Variants in DNAJC6 observed in about 807,000 individuals in gnomAD.
DNAJC6 encodes the protein auxilin.
Under a neutral mutation model 110.0 loss-of-function variants are expected in DNAJC6, and 34 were observed. The ratio of observed to expected loss-of-function variants is 0.31; its 90% CI spans 0.24 to 0.41. DNAJC6 has a LOEUF of 0.41. Among genes scored for constraint, DNAJC6 ranks in the 10% least tolerant of loss-of-function variants. The probability of loss-of-function intolerance (pLI) is 1.00; values close to 1 mark genes in which losing one functional copy is unlikely to be tolerated. For synonymous variants in DNAJC6, 406 were observed against 437.2 expected (o/e 0.93, Z 0.89); for missense variants, 1,031 against 1,207.8 (o/e 0.85, Z 2.17).
At chr1:65,404,255 G>T (rs912885358) in intron 15 of DNAJC6, among the ~76,000 whole-genome samples, 1 of 152,184 alleles carries the variant, frequency 6.6e-6, no homozygotes, top group African/African-American at 2.4e-5. Context: ...GATGTACCAG[G>T]CATGTGCTTA....
At chr1:65,292,141 C>T (rs534946846) in intron 1 of DNAJC6, among the ~76,000 whole-genome samples, 10 of 152,086 alleles carry the variant, frequency 6.6e-5, no homozygotes, top group Admixed American at 1.3e-4. Flanking sequence ...CTCAGCCTCC[C>T]GAGTAGCTGG....
intron 4 of DNAJC6, among the ~76,000 whole-genome samples, chr1:65,367,918 C>T (rs1215951952): frequency 6.9e-6 from 1 of 145,458 alleles, no homozygotes; most frequent in Non-Finnish European, 1.5e-5. Flanking sequence ...CAGTTCCTGA[C>T]ATAGATAATC....
upstream of DNAJC6, among the ~76,000 whole-genome samples, chr1:65,305,278 T>C (rs1645027026): frequency 6.6e-6 from 1 of 152,356 alleles, no homozygotes; most frequent in South Asian, 2.1e-4. Context: ...CACTAGGACC[T>C]CTTAGTACCA....
intron 1 of DNAJC6, among the ~76,000 whole-genome samples, chr1:65,329,944 C>G (rs1456634983): frequency 6.6e-6 from 1 of 152,150 alleles, no homozygotes; most frequent in Non-Finnish European, 1.5e-5. Context: ...AACATACATT[C>G]TTTTGAATTT....
At chr1:65,356,457 G>A (rs915224276) in intron 1 of DNAJC6, among the ~76,000 whole-genome samples, 2 of 151,706 alleles carry the variant, frequency 1.3e-5, no homozygotes, top group East Asian at 3.9e-4. Context: ...CCAGCTACTC[G>A]GGAGGCTGAG....
chr1:65,327,946 C>T (rs1442205796), intron 1 of DNAJC6, among the ~76,000 whole-genome samples: 2 of 152,062 alleles, frequency 1.3e-5, no homozygotes, highest in Non-Finnish European at 2.9e-5. Context: ...AACTCCTGGG[C>T]ACAAGCAATT....
intron 5 of DNAJC6, among the ~76,000 whole-genome samples, chr1:65,380,916 G>GTTTTTTTTTTTTTTTTTTTTTTTTTTTT (rs796797174): frequency 9.6e-5 from 9 of 93,528 alleles, no homozygotes; most frequent in African/African-American, 4.0e-4. Flanking sequence ...TTTTTGTTTT[G>GTTTTTTTTTTTTTTTTTTTTTTTTTTTT]TTTTGTTTTT....
At chr1:65,289,259 G>A (rs1358812862) in intron 1 of DNAJC6, among the ~76,000 whole-genome samples, 1 of 151,920 alleles carries the variant, frequency 6.6e-6, no homozygotes, top group Non-Finnish European at 1.5e-5. Flanking sequence ...GCAGTGGCAC[G>A]ATCTCGGCTC....
chr1:65,290,996 A>G (rs1644869971), intron 1 of DNAJC6, among the ~76,000 whole-genome samples: 1 of 152,242 alleles, frequency 6.6e-6, no homozygotes, highest in Admixed American at 6.5e-5. Context: ...CCAAATATCT[A>G]GATAAAGCAA....
intron 1 of DNAJC6, among the ~76,000 whole-genome samples, chr1:65,329,488 A>G (rs1179550436): frequency 6.6e-6 from 1 of 151,736 alleles, no homozygotes; most frequent in African/African-American, 2.4e-5. Flanking sequence ...AAATATGTAT[A>G]GGAATATTTT....
intron 16 of DNAJC6, 44 bp downstream of exon 16, chr1:65,406,177 A>G (rs370790532): frequency 2.9e-5 from 46 of 1,580,856 alleles, no homozygotes; most frequent in South Asian, 2.1e-4. Flanking sequence ...CAGCCTGTCT[A>G]TGTTGTCATA....
chr1:65,412,016 T>G (rs548823898), intron 18 of DNAJC6, among the ~76,000 whole-genome samples: 109 of 152,262 alleles, frequency 7.2e-4, no homozygotes, highest in Non-Finnish European at 1.1e-3. Flanking sequence ...CTTACAATAG[T>G]AAGGACAGGC....
At chr1:65,354,616 A>G (rs977995048) in intron 1 of DNAJC6, among the ~76,000 whole-genome samples, 40 of 152,328 alleles carry the variant, frequency 2.6e-4, no homozygotes, top group African/African-American at 9.6e-4. Context: ...CTGAGCCATC[A>G]TAGTCTAGTA....
intron 1 of DNAJC6, among the ~76,000 whole-genome samples, chr1:65,320,831 G>T (rs1392324237): frequency 1.3e-5 from 2 of 152,146 alleles, no homozygotes; most frequent in Non-Finnish European, 2.9e-5. Context: ...TCTTCCAGGG[G>T]CTGGTCAGGA....
intron 13 of DNAJC6, among the ~76,000 whole-genome samples, chr1:65,395,778 T>A (rs1467776359): frequency 1.3e-5 from 2 of 152,208 alleles, no homozygotes; most frequent in African/African-American, 2.4e-5. Flanking sequence ...CAAATTATAT[T>A]TCTATGTTAG....
intron 1 of DNAJC6, chr1:65,279,830 A>G (rs896272805): frequency 2.0e-5 from 3 of 152,120 alleles, no homozygotes; most frequent in Admixed American, 6.6e-5. Flanking sequence ...CTTTTGTGTC[A>G]CTTCCCGTAT....
At chr1:65,376,564 C>G (rs1303872482) in intron 4 of DNAJC6, among the ~76,000 whole-genome samples, 1 of 151,522 alleles carries the variant, frequency 6.6e-6, no homozygotes, top group East Asian at 1.9e-4. Flanking sequence ...TGCTGTATCC[C>G]ATATGTTTTT....
At chr1:65,307,016 CTCTATATATATA>C (rs1388753128), upstream of DNAJC6, among the ~76,000 whole-genome samples, 8 of 73,694 alleles carry the variant, frequency 1.1e-4, no homozygotes, top group East Asian at 4.9e-4. Context: ...CTCTCTCTCT[CTCTATATATATA>C]TATATATATA....
At chr1:65,371,327 C>T (rs910067808) in intron 4 of DNAJC6, among the ~76,000 whole-genome samples, 2 of 152,098 alleles carry the variant, frequency 1.3e-5, no homozygotes, top group East Asian at 3.9e-4. Flanking sequence ...TCCTTGGACT[C>T]GTTTTTCTCC....
Sources: gnomAD v4.1 joint callset for allele counts (sites outside exome capture counted in the v4.1 genomes callset) on GRCh38, gnomAD v4.1.1 for gene constraint, MANE v1.5 for transcripts, NCBI Gene and HGNC (gene_info 2026-07-23, HGNC 2026-07-21) for gene names.